The following NELL1 variants were observed in gnomAD, a reference collection of about 807,000 sequenced individuals.
The protein encoded by NELL1 is protein kinase C-binding protein NELL1.
A neutral mutation model predicts 107.4 loss-of-function variants in NELL1; 76 were observed. The observed-to-expected ratio is 0.71, with a 90% confidence interval of 0.59 to 0.86. The LOEUF is 0.86. Ranked by LOEUF, NELL1 falls within the 40% of genes least tolerant of loss-of-function variation. The pLI is 0.00. For synonymous variants in NELL1, 353 were observed against 341.2 expected (o/e 1.03, Z -0.38); for missense variants, 1,024 against 1,005.5 (o/e 1.02, Z -0.25).
intron 9 of NELL1, among the ~76,000 whole-genome samples, chr11:20,937,583 G>A (rs1263916371): frequency 1.3e-5 from 2 of 152,212 alleles, no homozygotes; most frequent in Non-Finnish European, 1.5e-5. Context: ...TAAAGGCCAG[G>A]CAAACACAAT....
intron 15 of NELL1, among the ~76,000 whole-genome samples, chr11:21,452,023 C>A (rs1853600499): frequency 6.6e-6 from 1 of 152,060 alleles, no homozygotes; most frequent in Admixed American, 6.6e-5. Context: ...TAGTTTTAGA[C>A]CTGAACTATT....
intron 2 of NELL1, among the ~76,000 whole-genome samples, chr11:20,693,542 T>C (rs1200784361): frequency 6.6e-6 from 1 of 152,184 alleles, no homozygotes; most frequent in Non-Finnish European, 1.5e-5. Flanking sequence ...CCTTCACTTA[T>C]GAAGCTTAGT....
intron 14 of NELL1, among the ~76,000 whole-genome samples, chr11:21,340,298 G>A (rs11026031): frequency 9.0e-4 from 136 of 151,720 alleles, no homozygotes; most frequent in African/African-American, 3.2e-3. Flanking sequence ...GACTACAGGC[G>A]CCCACCGCCA....
chr11:21,131,620 CT>C (rs1317105836), intron 13 of NELL1, among the ~76,000 whole-genome samples: 4 of 152,136 alleles, frequency 2.6e-5, no homozygotes, highest in African/African-American at 7.2e-5. Context: ...TTACTTGTTC[CT>C]TTTTTGTTTT....
chr11:20,961,801 A>G (rs1851296123), intron 12 of NELL1, among the ~76,000 whole-genome samples: 1 of 152,066 alleles, frequency 6.6e-6, no homozygotes, highest in African/African-American at 2.4e-5. Context: ...GTGTGTGTAG[A>G]TTTGGGTATA....
intron 15 of NELL1, among the ~76,000 whole-genome samples, chr11:21,378,404 T>C (rs765159950): frequency 1.3e-5 from 2 of 151,826 alleles, no homozygotes; most frequent in African/African-American, 2.4e-5. Flanking sequence ...GGGTTTACTG[T>C]GATTAGAAAA....
intron 15 of NELL1, among the ~76,000 whole-genome samples, chr11:21,476,612 C>G (rs945465884): frequency 6.6e-6 from 1 of 152,076 alleles, no homozygotes; most frequent in Admixed American, 6.6e-5. Context: ...AAGGAGGAAC[C>G]TTCATAAGAA....
chr11:20,863,905 A>T (rs1216277914), intron 4 of NELL1, among the ~76,000 whole-genome samples: 3 of 152,214 alleles, frequency 2.0e-5, no homozygotes, highest in Admixed American at 1.3e-4. Flanking sequence ...TAGGAGCTGG[A>T]GACCAGCCCG....
At chr11:21,294,620 A>G (rs1849337446) in intron 14 of NELL1, among the ~76,000 whole-genome samples, 1 of 152,052 alleles carries the variant, frequency 6.6e-6, no homozygotes, top group Non-Finnish European at 1.5e-5. Flanking sequence ...ACCTAATCTG[A>G]TGATTATTAT....
chr11:21,171,894 T>C (rs1047442194), intron 13 of NELL1, among the ~76,000 whole-genome samples: 4 of 151,930 alleles, frequency 2.6e-5, no homozygotes, highest in Non-Finnish European at 4.4e-5. Context: ...TTTGCACTGA[T>C]CTTTTCTTAG....
At chr11:21,029,261 C>A (rs1455397277) in intron 12 of NELL1, among the ~76,000 whole-genome samples, 3 of 152,174 alleles carry the variant, frequency 2.0e-5, no homozygotes, top group Non-Finnish European at 4.4e-5. Flanking sequence ...ATTTAGTTCA[C>A]TTTAACAAGC....
chr11:20,726,039 C>T (rs1029419733), intron 2 of NELL1, among the ~76,000 whole-genome samples: 1 of 152,112 alleles, frequency 6.6e-6, no homozygotes, highest in Non-Finnish European at 1.5e-5. Flanking sequence ...GGATAGTGGC[C>T]TCCAGCTGCA....
At chr11:21,455,182 C>CT (rs1028541969) in intron 15 of NELL1, among the ~76,000 whole-genome samples, 2 of 151,784 alleles carry the variant, frequency 1.3e-5, no homozygotes, top group African/African-American at 2.4e-5. Context: ...TACAGTTTTT[C>CT]TTTCAGTAGT....
At chr11:21,523,586 T>C (rs1286024999) in intron 15 of NELL1, among the ~76,000 whole-genome samples, 1 of 152,154 alleles carries the variant, frequency 6.6e-6, no homozygotes, top group Non-Finnish European at 1.5e-5. Flanking sequence ...ACTTTGCTGA[T>C]TACCTGACTG....
At chr11:21,313,465 C>T (rs76175755) in intron 14 of NELL1, among the ~76,000 whole-genome samples, 1 of 152,150 alleles carries the variant, frequency 6.6e-6, no homozygotes, top group Non-Finnish European at 1.5e-5. Flanking sequence ...GCGCCTGTTA[C>T]AGTGACTGAG....
chr11:20,903,499 T>C (rs1250707852), intron 5 of NELL1, among the ~76,000 whole-genome samples: 1 of 152,082 alleles, frequency 6.6e-6, no homozygotes, highest in Non-Finnish European at 1.5e-5. Context: ...AACCTTCTTA[T>C]TGGTTTTGAT....
intron 13 of NELL1, among the ~76,000 whole-genome samples, chr11:21,224,294 G>A (rs1343179313): frequency 6.6e-6 from 1 of 152,020 alleles, no homozygotes; most frequent in Non-Finnish European, 1.5e-5. Flanking sequence ...CCAAGCTGGA[G>A]TGCAGTGGCA....
At chr11:20,980,081 A>G (rs1200273466) in intron 12 of NELL1, among the ~76,000 whole-genome samples, 1 of 152,168 alleles carries the variant, frequency 6.6e-6, no homozygotes, top group African/African-American at 2.4e-5. Context: ...TATTTGAATC[A>G]CTAAAGTTTT....
At chr11:21,358,895 A>T (rs1305034758) in intron 14 of NELL1, among the ~76,000 whole-genome samples, 2 of 152,014 alleles carry the variant, frequency 1.3e-5, no homozygotes, top group African/African-American at 4.8e-5. Context: ...ATGAGTTTTT[A>T]AGGTTTTCTA....
Sources: gnomAD v4.1 joint callset for allele counts (sites outside exome capture counted in the v4.1 genomes callset) on GRCh38, gnomAD v4.1.1 for gene constraint, MANE v1.5 for transcripts, NCBI Gene and HGNC (gene_info 2026-07-23, HGNC 2026-07-21) for gene names.